Variants in AATK observed in about 807,000 individuals in gnomAD.
The protein encoded by AATK is serine/threonine-protein kinase LMTK1.
AATK carries 91 observed loss-of-function variants against 114.3 expected under a neutral mutation model. The observed-to-expected ratio is 0.80, with a 90% CI of 0.67 to 0.95. The LOEUF (loss-of-function observed/expected upper bound fraction) is 0.95, where lower values mean the gene tolerates loss of function less well. AATK is among the 40% of genes least tolerant of loss of function. The pLI, the probability that AATK is intolerant of heterozygous loss-of-function variation, is 0.00. For missense variants in AATK, 2,176 were observed against 1,965.2 expected, an observed-to-expected ratio of 1.11 and a Z score of -2.03; for synonymous variants, 1,075 against 916.5, an observed-to-expected ratio of 1.17 and a Z score of -3.12.
chr17:81,125,059 A>C (rs78952862), intron 7 of AATK, 45 bp from the exon 8 acceptor site: 89 of 1,005,754 alleles, frequency 8.8e-5, no homozygotes, highest in Non-Finnish European at 1.1e-4. Context: ...CAGGGTGAGC[A>C]GGGTGTGCCG....
At position 81,158,263 on chromosome 17, in the gene AATK, C is replaced by T. The variant is rs1034769298; in HGVS notation, c.55+7675G>A. ...GGGCCCAGCCTCCAGAGCCAGGGTC[C>T]GAGCAGGGTCCGTCCTCCCCGTCAT... On this transcript the variant is annotated intron_variant, in intron 1 of 13. Transcript: ENST00000326724. 2.0e-5 allele frequency among the ~76,000 whole-genome samples: 3 copies of T among 152,226 alleles called. No homozygotes were observed. In the South Asian group the frequency reaches 6.2e-4, roughly 31 times the overall value.
Position 81,122,661 on chromosome 17 carries a change from C to A in AATK, c.1275G>T (p.Gly425=). Reference sequence around the variant, plus strand: ...TGGGCCCCGCCGCACCGGGCCCGGGCCCCACGCCGCCCCCGCCGGGCCGCA... The same window carrying A: ...TGGGCCCCGCCGCACCGGGCCCGGGACCCACGCCGCCCCCGCCGGGCCGCA... ...RSLRPGGGGV[G]PGPGAAGPML... is the part of the protein sequence containing the mutation. Residue 425 remains glycine, a synonymous_variant, in exon 11 of 14, where the codon GGG becomes GGT. Transcript: ENST00000326724. 2 of 1,499,938 alleles carry A rather than the reference C, an allele frequency of 1.3e-6. No individual in the cohort carries two copies. The highest frequency in any genetic ancestry group is 2.2e-5 in the Admixed American group (1 of 45,708). 92.9% of individuals were successfully genotyped at this position (1,499,938 alleles called of 1,614,324 possible). A position where few individuals can be genotyped will look rare whatever the true frequency, so the allele number is the denominator to read the frequency against.
rs1297364986 is a variant in AATK, at chr17:81,121,974, G to A, written c.1962C>T (p.Pro654=). 1.2e-6 allele frequency: 2 copies of A among 1,600,300 alleles called. No homozygotes were observed. The highest frequency in any genetic ancestry group is 8.5e-7 in the Non-Finnish European group (1 of 1,177,512). The change falls in exon 11 of 14, where the codon CCC becomes CCT. Residue 654 remains proline, a synonymous_variant. Transcript: ENST00000326724. ...CATCCTCGCCAGTCAGCGGCAGCGG[G>A]GGCGCCCCTGAGCTCCCCAAAGGGG... ...GTSPLGSSGA[P]PLPLTGEDEL... is the part of the protein sequence containing the mutation.
At chr17:81,119,720 G>C in intron 12 of AATK, 140 bp from the exon 13 acceptor site, 1 of 993,468 alleles carries the variant, frequency 1.0e-6, no homozygotes, top group Non-Finnish European at 1.3e-6. Context: ...CACGGGCCCA[G>C]GCCCCGCCTC....
At chr17:81,129,834 C>T (rs978370963) in intron 3 of AATK, among the ~76,000 whole-genome samples, 1 of 152,210 alleles carries the variant, frequency 6.6e-6, no homozygotes, top group East Asian at 1.9e-4. Context: ...GAGGGCCTCA[C>T]GCTCTGAGTG....
At position 81,126,174 on chromosome 17, in the gene AATK, G is replaced by C. The variant is rs117628515; in HGVS notation, c.755+253C>G. On this transcript the variant is annotated intron_variant, in intron 7 of 13. Coordinates refer to ENST00000326724, the MANE Select transcript of AATK (RefSeq NM_001080395.3). The surrounding 1 kb of genome is among the most constrained non-coding windows in gnomAD (Gnocchi z 5.1). The stretch of plus-strand genomic sequence containing the variant: ...CTGCAGGGTGCTGGCTGACTGCCTC[G>C]GGGACAGAGAACAGGCCAGCTTGAC... Among the ~76,000 whole-genome samples the C allele has an allele frequency of 0.01, 1,556 of 152,298 alleles. 7 individuals carry two copies. The highest frequency in any genetic ancestry group is 0.016 in the South Asian group (78 of 4,826).
chr17:81,142,274 CTTTTCTTTTTT>C (rs532262078), intron 1 of AATK, among the ~76,000 whole-genome samples: 46 of 145,014 alleles, frequency 3.2e-4, no homozygotes, highest in African/African-American at 1.1e-3. Flanking sequence ...TTTCTTTTTT[CTTTTCTTTTTT>C]TTTTTGAGAC....
At chr17:81,125,496 G>A (rs1442567816) in intron 7 of AATK, 3 of 355,100 alleles carry the variant, frequency 8.4e-6, no homozygotes, top group African/African-American at 4.3e-5. Flanking sequence ...CCCACTCAGA[G>A]CTGGAGCTCA....
intron 9 of AATK, among the ~76,000 whole-genome samples, chr17:81,123,940 C>T (rs1397484350): frequency 1.3e-5 from 2 of 152,162 alleles, no homozygotes; most frequent in Admixed American, 6.5e-5. Context: ...GGCAAGACGT[C>T]ACCATGACCT....
At chr17:81,156,389 T>C (rs1231148355) in intron 1 of AATK, among the ~76,000 whole-genome samples, 2 of 152,180 alleles carry the variant, frequency 1.3e-5, no homozygotes, top group Admixed American at 6.5e-5. Flanking sequence ...CAAATGCAAA[T>C]AAATGTTTTT....
chr17:81,138,320 CACAT>C (rs2061054926), intron 1 of AATK, among the ~76,000 whole-genome samples: 1 of 150,624 alleles, frequency 6.6e-6, no homozygotes. Flanking sequence ...CACACGTGCA[CACAT>C]ACCCACACAT....
chr17:81,125,634 T>A (rs1410704791), intron 7 of AATK, among the ~76,000 whole-genome samples: 2 of 152,116 alleles, frequency 1.3e-5, no homozygotes, highest in Non-Finnish European at 2.9e-5. Context: ...GCTGGTCACG[T>A]GGGTGTGAGG....
chr17:81,148,396 C>T (rs562514868), intron 1 of AATK, among the ~76,000 whole-genome samples: 80 of 152,352 alleles, frequency 5.3e-4, no homozygotes, highest in African/African-American at 1.7e-3. Flanking sequence ...CCAACACCCC[C>T]GGCATCTTGC....
At chr17:81,146,932 T>C (rs994288743) in intron 1 of AATK, among the ~76,000 whole-genome samples, 2 of 54,884 alleles carry the variant, frequency 3.6e-5, no homozygotes, top group Non-Finnish European at 8.5e-5. Flanking sequence ...TAATTCCATG[T>C]CTGGAAATTT....
At chr17:81,138,538 G>A (rs1277689112) in intron 1 of AATK, among the ~76,000 whole-genome samples, 1 of 128,090 alleles carries the variant, frequency 7.8e-6, no homozygotes, top group African/African-American at 3.1e-5. Flanking sequence ...GCACATACAC[G>A]TTCGCGTGCA....
rs929307466 is a variant in AATK, at chr17:81,127,998, C to T, written c.415-88G>A. 1.5e-5 allele frequency: 22 copies of T among 1,495,178 alleles called. 1 individual carries two copies. Among genetic ancestry groups the T allele is most frequent in the Admixed American group, 6.1e-5 (3 of 49,562 alleles). The allele number at this position is 1,495,178 out of a possible 1,614,324, so 92.6% of individuals were successfully genotyped here. A position where few individuals can be genotyped will look rare whatever the true frequency, so the allele number is the denominator to read the frequency against. ...TACTCTTCTCCCACCCGCCCCACGCCGGCCCCCAGGACAGGACACTTCTCC... is the reference window on the plus strand; with the variant it reads ...TACTCTTCTCCCACCCGCCCCACGCTGGCCCCCAGGACAGGACACTTCTCC... On this transcript the variant is annotated intron_variant, in intron 4 of 13. Transcript: ENST00000326724.
intron 1 of AATK, chr17:81,160,457 C>T (rs1284674335): frequency 6.2e-6 from 1 of 161,916 alleles, no homozygotes; most frequent in Non-Finnish European, 1.3e-5. Context: ...CCGCTGCCCT[C>T]ATTTCCTCTG....
At chr17:81,134,144 C>A (rs996444503) in intron 2 of AATK, among the ~76,000 whole-genome samples, 1 of 152,180 alleles carries the variant, frequency 6.6e-6, no homozygotes, top group African/African-American at 2.4e-5. Context: ...ACCACGCCCC[C>A]CACAGAGGGC....
chr17:81,150,205 G>C (rs1335670819), intron 1 of AATK, among the ~76,000 whole-genome samples: 2 of 152,134 alleles, frequency 1.3e-5, no homozygotes, highest in Non-Finnish European at 2.9e-5. Flanking sequence ...ACACCTTGGT[G>C]AATGTTCTAC....
Sources: allele counts gnomAD v4.1 joint callset (sites outside exome capture counted in the v4.1 genomes callset), GRCh38; gene constraint gnomAD v4.1.1; non-coding constraint Gnocchi (gnomAD v3.1); transcripts MANE v1.5; gene names NCBI Gene and HGNC (gene_info 2026-07-23, HGNC 2026-07-21).